Variants in TET3 observed in about 807,000 individuals in gnomAD.
TET3 encodes tet methylcytosine dioxygenase 3, also known as methylcytosine dioxygenase TET3.
A neutral mutation model predicts 141.4 loss-of-function variants in TET3; 19 were observed. The observed-to-expected ratio is 0.13, with a 90% CI of 0.09 to 0.20. The LOEUF is 0.20. Ranked by LOEUF, TET3 falls within the 10% of genes least tolerant of loss-of-function variation. The pLI is 1.00. For missense variants in TET3, 1,874 were observed against 2,356.9 expected, an observed-to-expected ratio of 0.80 and a Z score of 4.24; for synonymous variants, 1,043 against 980.9, an observed-to-expected ratio of 1.06 and a Z score of -1.18.
At chr2:73,991,296 A>C (rs1383870652) in intron 2 of TET3, among the ~76,000 whole-genome samples, 1 of 151,744 alleles carries the variant, frequency 6.6e-6, no homozygotes, top group Admixed American at 6.6e-5. Flanking sequence ...TTAAAAAGCA[A>C]ACTCTGGCCG....
At chr2:74,125,132 G>C in the TET3 span, among the ~76,000 whole-genome samples, 28 of 151,596 alleles carry the variant, frequency 1.8e-4, no homozygotes, top group Non-Finnish European at 7.4e-5. Context: ...TCAGCCTCCT[G>C]AGTAGCTGGG....
At chr2:73,984,869 A>C (rs1353665525), upstream of TET3, among the ~76,000 whole-genome samples, 2 of 142,074 alleles carry the variant, frequency 1.4e-5, no homozygotes, top group African/African-American at 5.2e-5. This position sits in a 1 kb window ranked among gnomAD's most constrained non-coding sequence, Gnocchi z 5.6. Context: ...CGGGCGGGGG[A>C]GTCCCCGGGC....
the TET3 span, chr2:74,121,669 C>T: frequency 1.3e-5 from 2 of 152,188 alleles, no homozygotes; most frequent in African/African-American, 2.4e-5. Context: ...TTAATGAGCT[C>T]GTTATCAAAC....
intron 2 of TET3, among the ~76,000 whole-genome samples, chr2:73,998,163 G>C (rs1372549473): frequency 6.6e-6 from 1 of 152,148 alleles, no homozygotes; most frequent in Non-Finnish European, 1.5e-5. Flanking sequence ...ATTCCTCTTG[G>C]AAGTCTTCTG....
chr2:74,030,982 C>T (rs1163863402), intron 3 of TET3, among the ~76,000 whole-genome samples: 1 of 151,864 alleles, frequency 6.6e-6, no homozygotes, highest in East Asian at 1.9e-4. Context: ...AAAGGGATGT[C>T]CGGGGGGGAG....
At chr2:74,133,787 C>G in the TET3 span, among the ~76,000 whole-genome samples, 18 of 152,192 alleles carry the variant, frequency 1.2e-4, no homozygotes, top group Non-Finnish European at 2.5e-4. Flanking sequence ...CTCTGTCTCC[C>G]AGGCTGGAGT....
At chr2:74,045,545 C>T (rs893346020) in intron 3 of TET3, among the ~76,000 whole-genome samples, 11 of 152,174 alleles carry the variant, frequency 7.2e-5, no homozygotes, top group East Asian at 1.9e-4. Flanking sequence ...TGGTGGCTCT[C>T]GTGCTTGGGG....
intron 3 of TET3, among the ~76,000 whole-genome samples, chr2:74,022,729 C>T (rs1686121694): frequency 6.6e-6 from 1 of 152,132 alleles, no homozygotes; most frequent in Admixed American, 6.5e-5. Flanking sequence ...TACTACAATG[C>T]ATTTTCAAAT....
Position 74,105,265 on chromosome 2 carries a change from T to C in TET3, c.*3089T>C. 1 of 398,636 alleles carries C rather than the reference T, an allele frequency of 2.5e-6. No homozygotes were observed. Among genetic ancestry groups the C allele is most frequent in the East Asian group, 3.6e-5 (1 of 28,078 alleles). 24.7% of individuals were successfully genotyped at this position (398,636 alleles called of 1,614,324 possible). ...TCTTAGTCATCTCCCCAGTGTGCCC[T>C]GTCCACGGACACCATCCACGTGCAG... On this transcript the variant is annotated 3_prime_UTR_variant, in exon 12 of 12. Coordinates refer to ENST00000409262, the MANE Select transcript of TET3 (RefSeq NM_001287491.2).
chr2:74,132,644 C>T, the TET3 span, among the ~76,000 whole-genome samples: 1 of 152,320 alleles, frequency 6.6e-6, no homozygotes, highest in South Asian at 2.1e-4. Flanking sequence ...TCTCTGCCTC[C>T]CAAAGTGTTG....
chr2:74,099,241 A>G lies in TET3; in HGVS notation c.3268-35A>G, dbSNP rs776748881. 20 of 1,527,108 alleles carry G rather than the reference A, an allele frequency of 1.3e-5. No individual in the cohort carries two copies. In the Middle Eastern group the frequency reaches 7.2e-4, roughly 55 times the overall value. The allele number at this position is 1,527,108 out of a possible 1,614,324, so 94.6% of individuals were successfully genotyped here. A position where few individuals can be genotyped will look rare whatever the true frequency, so the allele number is the denominator to read the frequency against. ...CTCTCTCCCAGCACTCGGTCCCCCA[A>G]CCCCATGTCCTCTCTCCCCCACTGC... On this transcript the variant is annotated intron_variant, in intron 10 of 11. Coordinates refer to ENST00000409262, the MANE Select transcript of TET3 (RefSeq NM_001287491.2).
chr2:74,016,103 C>T lies in TET3; in HGVS notation c.360+12937C>T, dbSNP rs191162549. 3.4e-3 allele frequency among the ~76,000 whole-genome samples: 514 copies of T among 152,024 alleles called. 3 individuals are homozygous for T. The highest frequency in any genetic ancestry group is 0.012 in the African/African-American group (500 of 41,450). On this transcript the variant is annotated intron_variant, in intron 3 of 11. Coordinates refer to ENST00000409262, the MANE Select transcript of TET3 (RefSeq NM_001287491.2). ...AAAATTCAGGCTGGGCGTGGTGGCTCATGCTTATAGTCCCAGTGCTTTGGC... is the reference window on the plus strand; with the variant it reads ...AAAATTCAGGCTGGGCGTGGTGGCTTATGCTTATAGTCCCAGTGCTTTGGC...
intron 3 of TET3, among the ~76,000 whole-genome samples, chr2:74,031,355 C>T (rs1013797810): frequency 1.3e-5 from 2 of 152,086 alleles, no homozygotes; most frequent in Non-Finnish European, 2.9e-5. Flanking sequence ...CCGTGGCCTT[C>T]CTCATCACCC....
chr2:74,126,977 T>C, the TET3 span, among the ~76,000 whole-genome samples: 4 of 152,216 alleles, frequency 2.6e-5, no homozygotes, highest in Non-Finnish European at 5.9e-5. Context: ...ATTGGTCACA[T>C]GCATAGACAG....
chr2:74,131,632 C>T, the TET3 span, among the ~76,000 whole-genome samples: 1 of 152,220 alleles, frequency 6.6e-6, no homozygotes, highest in Non-Finnish European at 1.5e-5. Flanking sequence ...TTCCCCTACA[C>T]TGACTTGCCC....
chr2:74,026,227 A>G (rs1573723756), intron 3 of TET3, among the ~76,000 whole-genome samples: 2 of 151,658 alleles, frequency 1.3e-5, no homozygotes, highest in African/African-American at 4.8e-5. Context: ...GGACTTTGAC[A>G]CTGGTCTGCC....
intron 10 of TET3, among the ~76,000 whole-genome samples, chr2:74,096,384 A>T (rs570364069): frequency 2.0e-4 from 30 of 152,390 alleles, no homozygotes; most frequent in South Asian, 1.7e-3. Flanking sequence ...CCATAAAAAT[A>T]TAAGTTTTCT....
chr2:74,031,176 G>A (rs1686666104), intron 3 of TET3, among the ~76,000 whole-genome samples: 1 of 152,084 alleles, frequency 6.6e-6, no homozygotes, highest in East Asian at 1.9e-4. Context: ...GGAGCATGGG[G>A]CGATGGAGAG....
intron 4 of TET3, among the ~76,000 whole-genome samples, chr2:74,062,347 A>G (rs1688639978): frequency 1.3e-5 from 2 of 152,276 alleles, no homozygotes. Context: ...AAGTTGTAGT[A>G]TGGAGAGGCT....
Sources: allele counts gnomAD v4.1 joint callset (sites outside exome capture counted in the v4.1 genomes callset), GRCh38; gene constraint gnomAD v4.1.1; non-coding constraint Gnocchi (gnomAD v3.1); transcripts MANE v1.5; gene names NCBI Gene and HGNC (gene_info 2026-07-23, HGNC 2026-07-21).